The following ANO3 variants were observed in gnomAD, a reference collection of about 807,000 sequenced individuals.
ANO3 encodes anoctamin 3.
A neutral mutation model predicts 144.8 loss-of-function variants in ANO3; 99 were observed. The ratio of observed to expected loss-of-function variants is 0.68; its 90% CI spans 0.58 to 0.81. The LOEUF (loss-of-function observed/expected upper bound fraction) is 0.81, where lower values mean the gene tolerates loss of function less well. Ranked by LOEUF, ANO3 falls within the 30% of genes least tolerant of loss-of-function variation. The probability of loss-of-function intolerance (pLI) is 0.00; values close to 1 mark genes in which losing one functional copy is unlikely to be tolerated. For synonymous variants in ANO3, 414 were observed against 392.6 expected, an observed-to-expected ratio of 1.05 and a Z score of -0.64; for missense variants, 905 against 1,202.2, an observed-to-expected ratio of 0.75 and a Z score of 3.66.
At chr11:26,386,120 C>G (rs1346990791) in intron 1 of ANO3, among the ~76,000 whole-genome samples, 1 of 151,922 alleles carries the variant, frequency 6.6e-6, no homozygotes, top group Non-Finnish European at 1.5e-5. Flanking sequence ...TGGGATAACT[C>G]TTTGTGCTAC....
intron 1 of ANO3, among the ~76,000 whole-genome samples, chr11:26,216,866 T>A (rs886905929): frequency 6.6e-6 from 1 of 152,068 alleles, no homozygotes; most frequent in Admixed American, 6.6e-5. Flanking sequence ...ATCTTCTTTT[T>A]TGGTGAGCTG....
chr11:26,494,409 A>T lies in ANO3; in HGVS notation c.433-13695A>T, dbSNP rs1860842523. Among the ~76,000 whole-genome samples the T allele has an allele frequency of 2.0e-5, 3 of 152,124 alleles. No individual in the cohort carries two copies. In the South Asian group the frequency reaches 6.2e-4, roughly 32 times the overall value. On this transcript the variant is annotated intron_variant, in intron 4 of 26. Coordinates refer to ENST00000256737, the MANE Select transcript of ANO3 (RefSeq NM_031418.4). Reference sequence around the variant, plus strand: ...CAGGAAATGCATAGTCCATATTATTATCTTTTTGTAAAGATACTGAAACTT... The same window carrying T: ...CAGGAAATGCATAGTCCATATTATTTTCTTTTTGTAAAGATACTGAAACTT...
At chr11:26,371,303 C>T (rs1216624471) in intron 1 of ANO3, among the ~76,000 whole-genome samples, 1 of 152,198 alleles carries the variant, frequency 6.6e-6, no homozygotes, top group Non-Finnish European at 1.5e-5. Flanking sequence ...GCACAAAAGA[C>T]AATATTTGCA....
chr11:26,224,255 G>A (rs1489979660), intron 1 of ANO3, among the ~76,000 whole-genome samples: 1 of 152,118 alleles, frequency 6.6e-6, no homozygotes, highest in Non-Finnish European at 1.5e-5. Context: ...GGATGCACAG[G>A]GCCAACAGGC....
At chr11:26,223,732 G>T (rs1417506669) in intron 1 of ANO3, among the ~76,000 whole-genome samples, 1 of 151,834 alleles carries the variant, frequency 6.6e-6, no homozygotes, top group Non-Finnish European at 1.5e-5. Flanking sequence ...TGAGACCTCA[G>T]GTCGTTTTTA....
intron 1 of ANO3, among the ~76,000 whole-genome samples, chr11:26,259,261 C>T (rs772291936): frequency 8.6e-5 from 13 of 152,020 alleles, no homozygotes; most frequent in Non-Finnish European, 1.3e-4. Context: ...CTCTCCCTCT[C>T]GTTGAATAGA....
chr11:26,441,290 T>C (rs887348899), intron 1 of ANO3, among the ~76,000 whole-genome samples: 5 of 151,098 alleles, frequency 3.3e-5, no homozygotes, highest in Non-Finnish European at 7.4e-5. Context: ...GCTAATTTTT[T>C]GTATTTTTAG....
intron 24 of ANO3, among the ~76,000 whole-genome samples, chr11:26,649,806 T>C (rs1386006744): frequency 1.3e-5 from 2 of 152,148 alleles, no homozygotes; most frequent in Non-Finnish European, 2.9e-5. Context: ...TTATGAACTC[T>C]AAAGCACAAT....
chr11:26,489,180 T>G (rs954772098), intron 4 of ANO3, among the ~76,000 whole-genome samples: 1 of 149,572 alleles, frequency 6.7e-6, no homozygotes, highest in Non-Finnish European at 1.5e-5. Context: ...AGGGACTTGG[T>G]GCCCTGTGTC....
intron 1 of ANO3, among the ~76,000 whole-genome samples, chr11:26,352,540 G>A (rs1046411830): frequency 1.3e-5 from 2 of 152,122 alleles, no homozygotes; most frequent in East Asian, 3.9e-4. Context: ...ATTTCAGATG[G>A]GGGAATTAGA....
At chr11:26,436,859 A>G (rs1360742835) in intron 1 of ANO3, among the ~76,000 whole-genome samples, 1 of 152,086 alleles carries the variant, frequency 6.6e-6, no homozygotes, top group East Asian at 1.9e-4. Context: ...AGGGGTGGTT[A>G]TAGACCTCAG....
intron 8 of ANO3, 31 bp downstream of exon 8, chr11:26,531,367 C>T: frequency 1.9e-6 from 3 of 1,580,212 alleles, no homozygotes; most frequent in East Asian, 2.3e-5. Flanking sequence ...ATACTGCCTA[C>T]CTTTATATCT....
intron 1 of ANO3, among the ~76,000 whole-genome samples, chr11:26,351,441 T>A (rs983688355): frequency 6.6e-6 from 1 of 152,216 alleles, no homozygotes; most frequent in Non-Finnish European, 1.5e-5. Flanking sequence ...TTAATTGTAA[T>A]GTGTTCTGTT....
chr11:26,227,960 C>T (rs946163037), intron 1 of ANO3, among the ~76,000 whole-genome samples: 4 of 152,098 alleles, frequency 2.6e-5, no homozygotes, highest in Admixed American at 6.5e-5. Context: ...AGTTTAAAAA[C>T]TTAAGCCTAC....
chr11:26,552,398 T>A (rs1849957262), intron 12 of ANO3, among the ~76,000 whole-genome samples: 1 of 152,054 alleles, frequency 6.6e-6, no homozygotes, highest in Non-Finnish European at 1.5e-5. Flanking sequence ...AAGAGCTGAA[T>A]CCAGACACAT....
At chr11:26,455,465 A>G (rs1859117518) in intron 3 of ANO3, among the ~76,000 whole-genome samples, 1 of 152,182 alleles carries the variant, frequency 6.6e-6, no homozygotes, top group Non-Finnish European at 1.5e-5. Flanking sequence ...GTGAACTCCC[A>G]TTCACAATTG....
chr11:26,506,220 T>G (rs541471556), intron 4 of ANO3, among the ~76,000 whole-genome samples: 16 of 152,240 alleles, frequency 1.1e-4, no homozygotes, highest in African/African-American at 3.9e-4. Flanking sequence ...TTTAAACTAC[T>G]CAAGCCTCAT....
At chr11:26,198,230 G>T (rs1851626962) in intron 1 of ANO3, among the ~76,000 whole-genome samples, 1 of 151,932 alleles carries the variant, frequency 6.6e-6, no homozygotes, top group African/African-American at 2.4e-5. Context: ...CCTGGAATTT[G>T]GATTAAATTC....
chr11:26,255,289 T>C (rs1002060984), intron 1 of ANO3, among the ~76,000 whole-genome samples: 1 of 152,206 alleles, frequency 6.6e-6, no homozygotes, highest in East Asian at 1.9e-4. Context: ...AACACTAGTG[T>C]TGTGCGATTG....
Sources: gnomAD v4.1 joint callset for allele counts (sites outside exome capture counted in the v4.1 genomes callset) on GRCh38, gnomAD v4.1.1 for gene constraint, MANE v1.5 for transcripts, NCBI Gene and HGNC (gene_info 2026-07-23, HGNC 2026-07-21) for gene names.